Variants in GAREM1 observed in about 807,000 individuals in gnomAD.
GAREM1 encodes the protein GRB2 associated regulator of MAPK1 subtype 1.
In GAREM1, 26 loss-of-function variants were observed where a neutral mutation model predicts 71.3. The observed-to-expected ratio is 0.36, with a 90% confidence interval of 0.27 to 0.51. GAREM1 has a LOEUF of 0.51. GAREM1 is among the 20% of genes least tolerant of loss of function. The probability of loss-of-function intolerance (pLI) is 0.95; values close to 1 mark genes in which losing one functional copy is unlikely to be tolerated. For synonymous variants in GAREM1, 440 were observed against 433.2 expected, an observed-to-expected ratio of 1.02 and a Z score of -0.20; for missense variants, 1,026 against 1,103.1, an observed-to-expected ratio of 0.93 and a Z score of 0.99.
At chr18:32,405,088 AAT>A (rs2048353284) in intron 1 of GAREM1, among the ~76,000 whole-genome samples, 1 of 152,188 alleles carries the variant, frequency 6.6e-6, no homozygotes, top group Non-Finnish European at 1.5e-5. Flanking sequence ...TCTTTTAATA[AAT>A]AGTGTGGCAT....
Position 32,345,106 on chromosome 18 carries a change from C to A in GAREM1, c.263-34783G>T, listed in dbSNP as rs551968515. Among the ~76,000 whole-genome samples, 19 of 152,092 alleles carry A rather than the reference C, an allele frequency of 1.2e-4. No individual in the cohort carries two copies. In the East Asian group the frequency reaches 1.4e-3, roughly 11 times the overall value. On this transcript the variant is annotated intron_variant, in intron 2 of 5. Transcript: ENST00000269209. The stretch of plus-strand genomic sequence containing the variant: ...ACCAAAAACCAAACAACAACAACAA[C>A]AAAAAACAGTCTGCAGTCTATAAGT...
At chr18:32,376,594 T>C (rs1423124525) in intron 2 of GAREM1, among the ~76,000 whole-genome samples, 1 of 152,190 alleles carries the variant, frequency 6.6e-6, no homozygotes, top group African/African-American at 2.4e-5. Flanking sequence ...TCCCAGCACT[T>C]TGGGAGGCCG....
intron 1 of GAREM1, among the ~76,000 whole-genome samples, chr18:32,421,949 T>C (rs1474630856): frequency 6.6e-6 from 1 of 152,058 alleles, no homozygotes; most frequent in Non-Finnish European, 1.5e-5. Flanking sequence ...TGCCCCTCTG[T>C]ACACACTTCC....
intron 2 of GAREM1, among the ~76,000 whole-genome samples, chr18:32,361,575 C>T (rs1487734221): frequency 6.6e-6 from 1 of 152,094 alleles, no homozygotes; most frequent in African/African-American, 2.4e-5. Flanking sequence ...GAATTAGTTT[C>T]AAACAAAAGT....
At chr18:32,319,468 T>C (rs1209041010) in intron 2 of GAREM1, among the ~76,000 whole-genome samples, 1 of 152,226 alleles carries the variant, frequency 6.6e-6, no homozygotes, top group African/African-American at 2.4e-5. Context: ...CCAACCAATA[T>C]ATATTGCCTT....
chr18:32,459,854 GCA>G (rs370464008), intron 1 of GAREM1, among the ~76,000 whole-genome samples: 1 of 152,116 alleles, frequency 6.6e-6, no homozygotes. Context: ...TATAGCATCT[GCA>G]CAGACAGCTG....
chr18:32,423,099 G>T (rs1347965697), intron 1 of GAREM1, among the ~76,000 whole-genome samples: 1 of 152,168 alleles, frequency 6.6e-6, no homozygotes, highest in East Asian at 1.9e-4. Flanking sequence ...CCAGCCCAGG[G>T]GAACACAGTG....
At chr18:32,423,570 T>C (rs1444286389) in intron 1 of GAREM1, among the ~76,000 whole-genome samples, 2 of 152,198 alleles carry the variant, frequency 1.3e-5, no homozygotes, top group Non-Finnish European at 2.9e-5. Context: ...GACTCTGTTG[T>C]CAGTGACAAT....
chr18:32,330,447 C>A (rs577989145), intron 2 of GAREM1, among the ~76,000 whole-genome samples: 2 of 152,054 alleles, frequency 1.3e-5, no homozygotes, highest in Non-Finnish European at 2.9e-5. Flanking sequence ...TCACAAACGT[C>A]AGCATCATGC....
intron 2 of GAREM1, among the ~76,000 whole-genome samples, chr18:32,313,690 T>C (rs1198928437): frequency 1.3e-5 from 2 of 152,126 alleles, no homozygotes; most frequent in Non-Finnish European, 2.9e-5. Context: ...GTTTAAAGCC[T>C]GGTGGACAAG....
intron 1 of GAREM1, among the ~76,000 whole-genome samples, chr18:32,429,667 A>C (rs1332873159): frequency 6.6e-6 from 1 of 152,222 alleles, no homozygotes; most frequent in Non-Finnish European, 1.5e-5. Context: ...CTTGCCGGCT[A>C]TGTTTCCGGC....
chr18:32,437,219 C>T (rs1009601543), intron 1 of GAREM1, among the ~76,000 whole-genome samples: 2 of 152,112 alleles, frequency 1.3e-5, no homozygotes, highest in Admixed American at 6.5e-5. Flanking sequence ...TGTTATTTCA[C>T]GTGTTACTCA....
chr18:32,323,543 T>C (rs955149789), intron 2 of GAREM1, among the ~76,000 whole-genome samples: 1 of 152,106 alleles, frequency 6.6e-6, no homozygotes, highest in Non-Finnish European at 1.5e-5. Flanking sequence ...CTGGCCAACA[T>C]GGTGTGCTTA....
intron 2 of GAREM1, among the ~76,000 whole-genome samples, chr18:32,329,703 T>TAAAAAAA (rs756082703): frequency 0.046 from 3,602 of 77,734 alleles, 84 homozygotes; most frequent in African/African-American, 0.074. Flanking sequence ...GAGACTCCAT[T>TAAAAAAA]AAAAAAAAAA....
At chr18:32,360,009 C>T (rs967975273) in intron 2 of GAREM1, among the ~76,000 whole-genome samples, 1 of 151,792 alleles carries the variant, frequency 6.6e-6, no homozygotes. Flanking sequence ...ACAAAATGAT[C>T]GCCTCTATTC....
chr18:32,464,834 T>TAGATACACA (rs71177855), intron 1 of GAREM1, among the ~76,000 whole-genome samples: 54,133 of 151,778 alleles, frequency 0.36, 9,974 homozygotes, highest in African/African-American at 0.43. Context: ...CTATAATAAG[T>TAGATACACA]AGAATGTAAG....
At chr18:32,313,943 A>G (rs866405374) in intron 2 of GAREM1, among the ~76,000 whole-genome samples, 1 of 152,142 alleles carries the variant, frequency 6.6e-6, no homozygotes, top group Non-Finnish European at 1.5e-5. Context: ...TTCAGGAGTT[A>G]AGAGGTAGGT....
At chr18:32,341,748 G>C (rs73956890) in intron 2 of GAREM1, among the ~76,000 whole-genome samples, 40 of 152,248 alleles carry the variant, frequency 2.6e-4, no homozygotes, top group African/African-American at 9.2e-4. Context: ...GCGGGGAGAG[G>C]TGGAATGGAG....
chr18:32,394,034 T>C (rs902110218), intron 1 of GAREM1, among the ~76,000 whole-genome samples: 8 of 152,206 alleles, frequency 5.3e-5, no homozygotes, highest in African/African-American at 7.2e-5. Flanking sequence ...TTTCAATAAA[T>C]AGAAGAGACT....
Sources: allele counts gnomAD v4.1 joint callset (sites outside exome capture counted in the v4.1 genomes callset), GRCh38; gene constraint gnomAD v4.1.1; transcripts MANE v1.5; gene names NCBI Gene and HGNC (gene_info 2026-07-23, HGNC 2026-07-21).